RIMBP2: variants seen among roughly 807,000 people sequenced by gnomAD.
The protein encoded by RIMBP2 is RIMS binding protein 2.
Under a neutral mutation model 118.6 loss-of-function variants are expected in RIMBP2, and 48 were observed. The observed-to-expected ratio is 0.40, with a 90% confidence interval of 0.32 to 0.51. The LOEUF (loss-of-function observed/expected upper bound fraction) is 0.51, where lower values mean the gene tolerates loss of function less well. Ranked by LOEUF, RIMBP2 falls within the 20% of genes least tolerant of loss-of-function variation. The probability of loss-of-function intolerance (pLI) is 0.41; values close to 1 mark genes in which losing one functional copy is unlikely to be tolerated. For missense variants in RIMBP2, 1,551 were observed against 1,768.3 expected (o/e 0.88, Z 2.20); for synonymous variants, 762 against 742.9 (o/e 1.03, Z -0.42).
intron 1 of RIMBP2, among the ~76,000 whole-genome samples, chr12:130,696,723 G>C (rs2065591999): frequency 6.6e-6 from 1 of 152,180 alleles, no homozygotes; most frequent in South Asian, 2.1e-4. Context: ...TAATCAGAAG[G>C]AGTAAGGGGA....
intron 4 of RIMBP2, among the ~76,000 whole-genome samples, chr12:130,494,420 C>T (rs899773022): frequency 6.6e-6 from 1 of 152,120 alleles, no homozygotes; most frequent in Non-Finnish European, 1.5e-5. Context: ...AGGCAGATCA[C>T]CCGAGGTCAA....
intron 4 of RIMBP2, among the ~76,000 whole-genome samples, chr12:130,505,077 G>GT (rs2050171346): frequency 1.3e-5 from 2 of 152,178 alleles, no homozygotes; most frequent in African/African-American, 4.8e-5. Context: ...GTCACGGTGT[G>GT]TGCCCTCAGA....
chr12:130,524,467 C>T (rs984387567), intron 2 of RIMBP2, among the ~76,000 whole-genome samples: 3 of 152,110 alleles, frequency 2.0e-5, no homozygotes, highest in African/African-American at 7.2e-5. Context: ...GAGGACACAC[C>T]ACATGCAGAG....
At chr12:130,428,392 G>T (rs1401015056) in intron 14 of RIMBP2, 55 bp from the exon 15 acceptor site, 1 of 1,548,332 alleles carries the variant, frequency 6.5e-7, no homozygotes, top group Non-Finnish European at 8.7e-7. Context: ...CATCCTACAA[G>T]AGGCCAGATT....
chr12:130,484,351 C>A (rs73446548), intron 4 of RIMBP2, among the ~76,000 whole-genome samples: 2,450 of 152,356 alleles, frequency 0.016, 78 homozygotes, highest in African/African-American at 0.055. Flanking sequence ...GACCTTCACA[C>A]GTGTTGCTCT....
intron 2 of RIMBP2, among the ~76,000 whole-genome samples, chr12:130,535,344 T>TAA (rs529240633): frequency 5.4e-5 from 7 of 128,446 alleles, no homozygotes; most frequent in Non-Finnish European, 1.1e-4. Flanking sequence ...ACTAAAAAAT[T>TAA]AAAAAAAAAA....
chr12:130,478,786 G>T, intron 5 of RIMBP2, 126 bp downstream of exon 5: 1 of 656,372 alleles, frequency 1.5e-6, no homozygotes, highest in Non-Finnish European at 2.7e-6. Context: ...ATTCTTCTGT[G>T]CAAGCAGAGA....
chr12:130,713,606 C>G (rs942466067), intron 1 of RIMBP2, among the ~76,000 whole-genome samples: 2 of 152,214 alleles, frequency 1.3e-5, no homozygotes, highest in Non-Finnish European at 2.9e-5. Flanking sequence ...CCAGCACAGC[C>G]GATCCGGTTC....
In RIMBP2 at chr12:130,424,626, G is replaced by A; in HGVS notation, c.2645C>T (p.Ser882Phe). The A allele has an allele frequency of 8.1e-7, 1 of 1,231,920 alleles. No homozygotes were observed. The highest frequency in any genetic ancestry group is 1.0e-6 in the Non-Finnish European group (1 of 987,828). 76.3% of individuals were successfully genotyped at this position (1,231,920 alleles called of 1,614,324 possible). The change falls in exon 16 of 23, where the codon TCC becomes TTC. Residue 882 changes from serine (S) to phenylalanine (F), a missense_variant. Physicochemically the swap from Ser to Phe is radical, Grantham distance 155. Transcript: ENST00000690449. The surrounding 1 kb of genome is among the most constrained non-coding windows in gnomAD (Gnocchi z 9.8). ...PYRGDEAPRGSWFPVKHRGSG... is the reference protein window; with the variant it reads ...PYRGDEAPRGFWFPVKHRGSG... ...GCCCCTGTGCTTCACCGGGAACCAG[G>A]AGCCCCGAGGGGCCTCGTCGCCCCT... is the stretch of plus-strand genomic sequence containing the variant.
chr12:130,686,334 C>T (rs59000581), intron 1 of RIMBP2, among the ~76,000 whole-genome samples: 77 of 152,272 alleles, frequency 5.1e-4, no homozygotes, highest in African/African-American at 1.8e-3. Context: ...CTGCAAGGTG[C>T]GGCAGCACAG....
intron 2 of RIMBP2, among the ~76,000 whole-genome samples, chr12:130,559,514 A>G (rs948863010): frequency 1.3e-5 from 2 of 152,184 alleles, no homozygotes; most frequent in Non-Finnish European, 2.9e-5. Context: ...TCATGGCTGA[A>G]TAGTACTCCG....
intron 2 of RIMBP2, among the ~76,000 whole-genome samples, chr12:130,577,214 C>A (rs747035101): frequency 6.6e-6 from 1 of 152,138 alleles, no homozygotes; most frequent in Non-Finnish European, 1.5e-5. Flanking sequence ...GGGATGGTAA[C>A]GGTGCCTGAC....
intron 1 of RIMBP2, among the ~76,000 whole-genome samples, chr12:130,713,271 A>ACGG (rs1250389734): frequency 2.9e-4 from 43 of 147,802 alleles, no homozygotes; most frequent in Non-Finnish European, 4.0e-4. Flanking sequence ...GGAAGGAAGG[A>ACGG]AGGACTGAGG....
At position 130,457,432 on chromosome 12, in the gene RIMBP2, G is replaced by A. The variant is rs534670604; in HGVS notation, c.154-732C>T. ...ACAGGCCTGGGCTGTGTCCAGTCTC[G>A]GGACATCTCTGACCCTTGTGGGCTT... On this transcript the variant is annotated intron_variant, in intron 6 of 22. Coordinates refer to ENST00000690449, the MANE Select transcript of RIMBP2 (RefSeq NM_001393629.1). Among the ~76,000 whole-genome samples, 7 of 152,252 alleles carry A rather than the reference G, an allele frequency of 4.6e-5. No homozygotes were observed. The East Asian group carries it at 7.7e-4, about 17-fold the overall frequency.
intron 2 of RIMBP2, among the ~76,000 whole-genome samples, chr12:130,604,531 C>A (rs1037791843): frequency 1.4e-5 from 2 of 145,014 alleles, no homozygotes; most frequent in Admixed American, 7.0e-5. Context: ...GAGCAACTTC[C>A]GGGCCTGCAA....
chr12:130,667,153 AGGGAG>A lies in RIMBP2; in HGVS notation c.-351-38702_-351-38698del, dbSNP rs1566441342. On this transcript the variant is annotated intron_variant, in intron 1 of 22. Transcript: ENST00000690449. ...AAGGAGAGAGGGAGGGAAGGGAGGAAGGGAGGGAAGAAGGGAGGGAGGGAGGAAGG... is the reference window on the plus strand; with the variant it reads ...AAGGAGAGAGGGAGGGAAGGGAGGAAGGAAGAAGGGAGGGAGGGAGGAAGG... The A allele has an allele frequency of 1.4e-3, 170 of 117,566 alleles. 2 individuals are homozygous for A. The highest frequency in any genetic ancestry group is 3.8e-4 in the Non-Finnish European group (22 of 57,566). The allele number at this position is 117,566 out of a possible 1,614,324, so 7.3% of individuals were successfully genotyped here. A position where few individuals can be genotyped will look rare whatever the true frequency, so the allele number is the denominator to read the frequency against.
chr12:130,605,780 T>C (rs1275721956), intron 2 of RIMBP2, among the ~76,000 whole-genome samples: 5 of 152,116 alleles, frequency 3.3e-5, no homozygotes, highest in African/African-American at 1.2e-4. Flanking sequence ...AAGCTAAAAA[T>C]GGGCCAGGCA....
rs1038181063 is a variant in RIMBP2 at position 130,434,317 on chromosome 12, C to T, written c.2253+417G>A. ...TCTGCCGTTTTGCTGTTCTGAAGGA[C>T]GAACACTGACTGTGTTATTTTTGGC... On this transcript the variant is annotated intron_variant, in intron 14 of 22. Coordinates refer to ENST00000690449, the MANE Select transcript of RIMBP2 (RefSeq NM_001393629.1). The surrounding 1 kb of genome is among the most constrained non-coding windows in gnomAD (Gnocchi z 5.7). Among the ~76,000 whole-genome samples the T allele has an allele frequency of 7.9e-5, 12 of 152,148 alleles. No homozygotes were observed. The highest frequency in any genetic ancestry group is 2.4e-4 in the African/African-American group (10 of 41,420).
intron 1 of RIMBP2, among the ~76,000 whole-genome samples, chr12:130,687,053 C>T (rs536220844): frequency 5.9e-5 from 9 of 152,342 alleles, no homozygotes; most frequent in Middle Eastern, 3.4e-3. Flanking sequence ...TTCAGCTAAT[C>T]CTTTCATTAT....
Sources: allele counts gnomAD v4.1 joint callset (sites outside exome capture counted in the v4.1 genomes callset), GRCh38; gene constraint gnomAD v4.1.1; non-coding constraint Gnocchi (gnomAD v3.1); transcripts MANE v1.5; gene names NCBI Gene and HGNC (gene_info 2026-07-23, HGNC 2026-07-21).